Variants in CALD1 observed in about 807,000 individuals in gnomAD.
CALD1 encodes the protein caldesmon 1, also known as caldesmon.
A neutral mutation model predicts 99.9 loss-of-function variants in CALD1; 33 were observed. The ratio of observed to expected loss-of-function variants is 0.33; its 90% CI spans 0.25 to 0.44. The LOEUF (loss-of-function observed/expected upper bound fraction) is 0.44. Among genes scored for constraint, CALD1 ranks in the 20% least tolerant of loss-of-function variants. The pLI, the probability that CALD1 is intolerant of heterozygous loss-of-function variation, is 1.00. For synonymous variants in CALD1, 310 were observed against 325.0 expected (o/e 0.95, Z 0.50); for missense variants, 861 against 962.1 (o/e 0.89, Z 1.39).
chr7:134,968,474 A>C lies in CALD1; in HGVS notation c.*129A>C, dbSNP rs1397765731. 1.3e-6 allele frequency: 1 copy of C among 788,876 alleles called. No homozygotes were observed. The highest frequency in any genetic ancestry group is 2.0e-5 in the Admixed American group (1 of 50,440). 48.9% of individuals were successfully genotyped at this position (788,876 alleles called of 1,614,324 possible). A position where few individuals can be genotyped will look rare whatever the true frequency, so the allele number is the denominator to read the frequency against. The stretch of plus-strand genomic sequence containing the variant: ...ATTATCTTTTATTTTTCAATATCCC[A>C]GTAAACCCATGTATATTATCACTAT... On this transcript the variant is annotated 3_prime_UTR_variant, in exon 15 of 15. Transcript: ENST00000361675.
At chr7:134,959,330 G>C (rs1400209215) in intron 11 of CALD1, among the ~76,000 whole-genome samples, 3 of 152,006 alleles carry the variant, frequency 2.0e-5, no homozygotes, top group Non-Finnish European at 4.4e-5. Flanking sequence ...GAGCACGACT[G>C]TATCCCCAGA....
intron 9 of CALD1, among the ~76,000 whole-genome samples, chr7:134,953,384 G>A (rs1488692740): frequency 1.3e-5 from 2 of 152,106 alleles, no homozygotes; most frequent in African/African-American, 4.8e-5. Flanking sequence ...CCTGAGACAG[G>A]AGAATCACTT....
chr7:134,757,939 G>A (rs1044125288), intron 1 of CALD1, among the ~76,000 whole-genome samples: 1 of 152,146 alleles, frequency 6.6e-6, no homozygotes, highest in African/African-American at 2.4e-5. Flanking sequence ...CTCTACAGGA[G>A]GATGGCTTGC....
chr7:134,931,158 A>G (rs1193513043), intron 4 of CALD1, among the ~76,000 whole-genome samples: 1 of 152,116 alleles, frequency 6.6e-6, no homozygotes, highest in African/African-American at 2.4e-5. Context: ...CATATTAGTT[A>G]GCCACAAGAA....
At chr7:134,776,815 T>G (rs1796922373), upstream of CALD1, among the ~76,000 whole-genome samples, 1 of 152,184 alleles carries the variant, frequency 6.6e-6, no homozygotes, top group Admixed American at 6.5e-5. Context: ...AATGGCCTAT[T>G]TTTACTTTTC....
At chr7:134,901,325 T>C (rs541600541) in intron 3 of CALD1, among the ~76,000 whole-genome samples, 7 of 152,204 alleles carry the variant, frequency 4.6e-5, no homozygotes, top group African/African-American at 1.7e-4. Flanking sequence ...AGCGAATTAC[T>C]GAATCTCTCT....
the CALD1 span, among the ~76,000 whole-genome samples, chr7:134,712,495 G>A: frequency 1.3e-5 from 2 of 152,280 alleles, no homozygotes; most frequent in South Asian, 4.1e-4. Flanking sequence ...CACCCACAAA[G>A]CAGCCACACT....
intron 3 of CALD1, among the ~76,000 whole-genome samples, chr7:134,926,473 G>A (rs982389862): frequency 2.0e-5 from 3 of 152,168 alleles, no homozygotes; most frequent in Non-Finnish European, 4.4e-5. Flanking sequence ...TTTGAGGATT[G>A]CACATGAGCA....
chr7:134,734,646 C>T, the CALD1 span, among the ~76,000 whole-genome samples: 2 of 152,062 alleles, frequency 1.3e-5, no homozygotes, highest in Non-Finnish European at 2.9e-5. Flanking sequence ...CCGAGCTGTT[C>T]TTGTGATAGT....
chr7:134,750,498 C>T (rs1308924771), intron 1 of CALD1, among the ~76,000 whole-genome samples: 2 of 152,172 alleles, frequency 1.3e-5, no homozygotes, highest in African/African-American at 4.8e-5. Flanking sequence ...TTTCTAGGTA[C>T]CTTCTTTTGG....
chr7:134,787,814 G>A lies in CALD1; in HGVS notation c.-130+8065G>A, dbSNP rs368987961. Reference sequence around the variant, plus strand: ...TTCACTAAAGATTGGAGAGCCAAAAGTTTCTCTGCAAGAGTGACCTGATCT... The same window carrying A: ...TTCACTAAAGATTGGAGAGCCAAAAATTTCTCTGCAAGAGTGACCTGATCT... On this transcript the variant is annotated intron_variant, in intron 1 of 14. Coordinates refer to ENST00000361675, the MANE Select transcript of CALD1 (RefSeq NM_033138.4). Among the ~76,000 whole-genome samples the A allele has an allele frequency of 2.0e-4, 31 of 152,290 alleles. No homozygotes were observed. The South Asian group carries it at 6.2e-3, about 31-fold the overall frequency.
Position 134,792,207 on chromosome 7 carries a change from C to G in CALD1, c.-130+12458C>G, listed in dbSNP as rs1797563000. Among the ~76,000 whole-genome samples the G allele has an allele frequency of 2.6e-5, 4 of 151,898 alleles. No homozygotes were observed. The South Asian group carries it at 8.3e-4, about 32-fold the overall frequency. On this transcript the variant is annotated intron_variant, in intron 1 of 14. Coordinates refer to ENST00000361675, the MANE Select transcript of CALD1 (RefSeq NM_033138.4). ...AGGGAAGTCTCTGTTCCAGCCCTCTCTGTTTCACTTGTAGATGGTTATCTT... is the reference window on the plus strand; with the variant it reads ...AGGGAAGTCTCTGTTCCAGCCCTCTGTGTTTCACTTGTAGATGGTTATCTT...
At chr7:134,842,740 C>G (rs956056358) in intron 1 of CALD1, among the ~76,000 whole-genome samples, 3 of 152,158 alleles carry the variant, frequency 2.0e-5, no homozygotes, top group Non-Finnish European at 4.4e-5. Flanking sequence ...TATTAACCAT[C>G]TCCTGTAAAT....
At chr7:134,891,745 TAAAAAAAAAAAAAA>T in intron 3 of CALD1, 2 of 426,696 alleles carry the variant, frequency 4.7e-6, no homozygotes, top group South Asian at 1.0e-4. Flanking sequence ...CGAATTGTTG[TAAAAAAAAAAAAAA>T]AAAAAAAAAT....
intron 3 of CALD1, among the ~76,000 whole-genome samples, chr7:134,896,100 G>T (rs868068952): frequency 6.6e-6 from 1 of 152,140 alleles, no homozygotes; most frequent in Admixed American, 6.5e-5. Context: ...TAGCCAGTCG[G>T]AACTGGCTTA....
At chr7:134,944,217 T>G (rs527367908) in intron 7 of CALD1, among the ~76,000 whole-genome samples, 7 of 152,262 alleles carry the variant, frequency 4.6e-5, no homozygotes, top group African/African-American at 9.6e-5. Flanking sequence ...AAAATAAAAG[T>G]TTACCTGTAA....
chr7:134,798,730 C>T (rs933217071), intron 1 of CALD1, among the ~76,000 whole-genome samples: 2 of 152,190 alleles, frequency 1.3e-5, no homozygotes, highest in African/African-American at 2.4e-5. Flanking sequence ...TTCCACATCC[C>T]GAGCTTCCAA....
rs181023468 is a variant in CALD1, at chr7:134,919,499, G to A, written c.72-9255G>A. On this transcript the variant is annotated intron_variant, in intron 3 of 14. Coordinates refer to ENST00000361675, the MANE Select transcript of CALD1 (RefSeq NM_033138.4). ...TCACCATTGTATAAAGCAAATGTTGGGCTGGTGGTGACAACTTGTGAGTAC... is the reference window on the plus strand; with the variant it reads ...TCACCATTGTATAAAGCAAATGTTGAGCTGGTGGTGACAACTTGTGAGTAC... 1.5e-3 allele frequency among the ~76,000 whole-genome samples: 234 copies of A among 152,278 alleles called. 1 individual carries two copies. Among genetic ancestry groups the A allele is most frequent in the African/African-American group, 5.0e-3 (209 of 41,566 alleles).
rs536712302 is a variant in CALD1 at position 134,849,825 on chromosome 7, T to A, written c.-42+5854T>A. 3.1e-4 allele frequency among the ~76,000 whole-genome samples: 47 copies of A among 152,092 alleles called. 1 individual carries two copies. Among genetic ancestry groups the A allele is most frequent in the Middle Eastern group, 6.8e-3 (2 of 294 alleles). On this transcript the variant is annotated intron_variant, in intron 2 of 14. Coordinates refer to ENST00000361675, the MANE Select transcript of CALD1 (RefSeq NM_033138.4). Reference sequence around the variant, plus strand: ...CCGCAGGGCCTCTCATGGGGAGAGGTCCCTGCCTCAACACCCCCATGCCTA... The same window carrying A: ...CCGCAGGGCCTCTCATGGGGAGAGGACCCTGCCTCAACACCCCCATGCCTA...
Sources: allele counts gnomAD v4.1 joint callset (sites outside exome capture counted in the v4.1 genomes callset), GRCh38; gene constraint gnomAD v4.1.1; transcripts MANE v1.5; gene names NCBI Gene and HGNC (gene_info 2026-07-23, HGNC 2026-07-21).